EYS: variants seen among roughly 807,000 people sequenced by gnomAD.
EYS encodes protein eyes shut homolog.
EYS carries 250 observed loss-of-function variants against 282.1 expected under a neutral mutation model. That is an observed-to-expected ratio of 0.89 (90% CI 0.80 to 0.98). EYS has a LOEUF of 0.98. Among genes scored for constraint, EYS ranks in the 50% least tolerant of loss-of-function variants. The pLI, the probability that EYS is intolerant of heterozygous loss-of-function variation, is 0.00. For synonymous variants in EYS, 1,355 were observed against 1,282.9 expected (o/e 1.06, Z -1.20); for missense variants, 4,016 against 3,709.0 (o/e 1.08, Z -2.15).
intron 33 of EYS, among the ~76,000 whole-genome samples, chr6:64,032,095 G>GA (rs1769876635): frequency 6.6e-6 from 1 of 152,056 alleles, no homozygotes; most frequent in Non-Finnish European, 1.5e-5. Context: ...CGGGAGGAAT[G>GA]AACAACTCCA....
intron 26 of EYS, among the ~76,000 whole-genome samples, chr6:64,574,177 C>A (rs1252708051): frequency 6.6e-6 from 1 of 152,050 alleles, no homozygotes; most frequent in Admixed American, 6.6e-5. Flanking sequence ...AACACAGGAA[C>A]GGAAAATCAA....
rs11414644 is a variant in EYS at position 64,417,671 on chromosome 6, C to CTTTTT, written c.5927+18498_5927+18502dup. 5.6e-5 allele frequency among the ~76,000 whole-genome samples: 7 copies of CTTTTT among 123,988 alleles called. 1 individual carries two copies. The highest frequency in any genetic ancestry group is 2.4e-4 in the East Asian group (1 of 4,224). 81.3% of individuals were successfully genotyped at this position (123,988 alleles called of 152,430 possible). On this transcript the variant is annotated intron_variant, in intron 28 of 42. Coordinates refer to ENST00000503581, the MANE Select transcript of EYS (RefSeq NM_001142800.2). ...GCATATTCTTACCTGTAAGGGTTGGCTTTTTTTTTTTTTTTTTTTGACAGC... is the reference window on the plus strand; with the variant it reads ...GCATATTCTTACCTGTAAGGGTTGGCTTTTTTTTTTTTTTTTTTTTTTTTGACAGC...
chr6:64,953,446 T>A, intron 14 of EYS, among the ~76,000 whole-genome samples: 1 of 151,840 alleles, frequency 6.6e-6, no homozygotes, highest in Non-Finnish European at 1.5e-5. Flanking sequence ...TGACTTATTA[T>A]CTCTTTTATT....
chr6:65,045,493 G>T (rs143220471), intron 13 of EYS, among the ~76,000 whole-genome samples: 1 of 151,752 alleles, frequency 6.6e-6, no homozygotes, highest in Non-Finnish European at 1.5e-5. Context: ...AAAACCTCTC[G>T]AATAATTTCT....
At chr6:64,979,438 G>A (rs948725149) in intron 14 of EYS, among the ~76,000 whole-genome samples, 22 of 151,584 alleles carry the variant, frequency 1.5e-4, no homozygotes, top group South Asian at 6.2e-4. Flanking sequence ...CCCACCTCCC[G>A]TGGGAAAAAA....
intron 33 of EYS, among the ~76,000 whole-genome samples, chr6:64,044,588 G>A (rs1290670259): frequency 1.3e-5 from 2 of 152,200 alleles, no homozygotes; most frequent in African/African-American, 4.8e-5. Flanking sequence ...GTTACTTAAT[G>A]TAGTTATGAA....
intron 22 of EYS, chr6:64,631,708 A>C (rs539015400): frequency 6.6e-6 from 1 of 152,100 alleles, no homozygotes; most frequent in Non-Finnish European, 1.5e-5. Context: ...GGCACATAAC[A>C]AAGCAATTCT....
chr6:65,530,141 G>C (rs1767710217), intron 2 of EYS, among the ~76,000 whole-genome samples: 1 of 152,094 alleles, frequency 6.6e-6, no homozygotes, highest in African/African-American at 2.4e-5. Context: ...AAGAAACTAA[G>C]ATTAATATAA....
At chr6:64,162,662 A>T (rs965573226) in intron 31 of EYS, among the ~76,000 whole-genome samples, 6 of 152,122 alleles carry the variant, frequency 3.9e-5, no homozygotes, top group African/African-American at 1.4e-4. Context: ...TTCAAAATCT[A>T]TGTCACCTTT....
At chr6:64,245,571 C>A (rs559280838) in intron 30 of EYS, among the ~76,000 whole-genome samples, 1 of 152,248 alleles carries the variant, frequency 6.6e-6, no homozygotes, top group South Asian at 2.1e-4. Context: ...TAAAAAAATT[C>A]TGTATCTGAT....
intron 2 of EYS, among the ~76,000 whole-genome samples, chr6:65,564,838 G>A (rs1416559592): frequency 1.3e-5 from 2 of 151,978 alleles, no homozygotes; most frequent in African/African-American, 4.8e-5. Context: ...CAGTGAACAG[G>A]CAACCCACAG....
chr6:65,098,764 A>G (rs1311794531), intron 12 of EYS, among the ~76,000 whole-genome samples: 5 of 150,816 alleles, frequency 3.3e-5, no homozygotes, highest in Non-Finnish European at 4.5e-5. Flanking sequence ...TTCACCCCTT[A>G]GGCTGAAGAG....
intron 11 of EYS, among the ~76,000 whole-genome samples, chr6:65,327,886 T>A (rs1189760552): frequency 1.3e-5 from 2 of 151,498 alleles, no homozygotes; most frequent in African/African-American, 4.8e-5. Flanking sequence ...GGATGATGTA[T>A]TTTTTTCAAT....
At chr6:64,660,036 C>T (rs1339943089) in intron 22 of EYS, among the ~76,000 whole-genome samples, 2 of 152,188 alleles carry the variant, frequency 1.3e-5, no homozygotes, top group African/African-American at 4.8e-5. Flanking sequence ...AGCTTATCCA[C>T]TATGATCAAG....
chr6:64,162,465 T>C (rs545443620), intron 31 of EYS, among the ~76,000 whole-genome samples: 6 of 152,150 alleles, frequency 3.9e-5, no homozygotes, highest in Non-Finnish European at 8.8e-5. Context: ...ATTCCTAAGA[T>C]TGCTTGAGTA....
chr6:63,880,597 C>A (rs1402462976), intron 35 of EYS, among the ~76,000 whole-genome samples: 1 of 151,938 alleles, frequency 6.6e-6, no homozygotes, highest in African/African-American at 2.4e-5. Flanking sequence ...GTTGTTGAGA[C>A]TGAGACACAA....
chr6:64,734,152 A>G (rs1430382409), intron 22 of EYS, among the ~76,000 whole-genome samples: 1 of 151,914 alleles, frequency 6.6e-6, no homozygotes, highest in Non-Finnish European at 1.5e-5. Flanking sequence ...GAAACAAACA[A>G]AAAAATAGAT....
chr6:64,202,346 T>C (rs1765482323), intron 31 of EYS, among the ~76,000 whole-genome samples: 1 of 152,202 alleles, frequency 6.6e-6, no homozygotes, highest in Non-Finnish European at 1.5e-5. Flanking sequence ...GAAAGATATG[T>C]TCTCTCTCCT....
At chr6:64,179,376 T>A (rs148495445) in intron 31 of EYS, among the ~76,000 whole-genome samples, 200 of 152,208 alleles carry the variant, frequency 1.3e-3, no homozygotes, top group Middle Eastern at 3.4e-3. Flanking sequence ...AAAATGCCAA[T>A]TTTAAATCAC....
Sources: allele counts gnomAD v4.1 joint callset (sites outside exome capture counted in the v4.1 genomes callset), GRCh38; gene constraint gnomAD v4.1.1; transcripts MANE v1.5; gene names NCBI Gene and HGNC (gene_info 2026-07-23, HGNC 2026-07-21).